The following PRKCSH variants were observed in gnomAD, a reference collection of about 807,000 sequenced individuals.
PRKCSH encodes the protein PRKCSH beta subunit of glucosidase II, also known as glucosidase 2 subunit beta.
In PRKCSH, 42 loss-of-function variants were observed where a neutral mutation model predicts 79.7. The observed-to-expected ratio is 0.53, with a 90% CI of 0.41 to 0.68. The LOEUF is 0.68. Among genes scored for constraint, PRKCSH ranks in the 30% least tolerant of loss-of-function variants. The pLI is 0.00. For synonymous variants in PRKCSH, 325 were observed against 288.2 expected (o/e 1.13, Z -1.29); for missense variants, 686 against 709.0 (o/e 0.97, Z 0.37).
At position 11,436,382 on chromosome 19, in the gene PRKCSH, C is replaced by G. The variant is rs189520103; in HGVS notation, c.80-7C>G. The G allele has an allele frequency of 2.6e-4, 421 of 1,613,646 alleles. 2 individuals carry two copies. The African/African-American group carries it at 5.1e-3, about 20-fold the overall frequency. ...CTGCCCTGGGCTGAGCTTCCTGTAC[C>G]CCGCAGATCATCACTTCTACGATGA... On this transcript the variant is annotated splice_region_variant and splice_polypyrimidine_tract_variant and intron_variant, in intron 2 of 17. Transcript: ENST00000677123.
Position 11,449,423 on chromosome 19 carries a change from G to A in PRKCSH, c.*11G>A, listed in dbSNP as rs371982440. The stretch of plus-strand genomic sequence containing the variant: ...CATGACGAGCTCTAGCTGGATGGGC[G>A]CAGAGGTGGGCGGGGAGGTGGAGTC... On this transcript the variant is annotated 3_prime_UTR_variant, in exon 17 of 18. Transcript: ENST00000677123. This position sits in a 1 kb window ranked among gnomAD's most constrained non-coding sequence, Gnocchi z 6.4. The A allele has an allele frequency of 1.1e-5, 18 of 1,612,890 alleles. No individual in the cohort carries two copies. Among genetic ancestry groups the A allele is most frequent in the African/African-American group, 9.3e-5 (7 of 75,036 alleles).
At position 11,445,478 on chromosome 19, in the gene PRKCSH, G is replaced by A; in HGVS notation, c.683+5G>A. ...GGATGATGACATGGACGGGACGTGA[G>A]TGTCCCCTAGTTGGAGCTGCCCACC... On this transcript the variant is annotated splice_donor_5th_base_variant and intron_variant, in intron 8 of 17. Coordinates refer to ENST00000677123, the MANE Select transcript of PRKCSH (RefSeq NM_001289104.2). The A allele has an allele frequency of 6.2e-7, 1 of 1,613,516 alleles. No homozygotes were observed. The highest frequency in any genetic ancestry group is 8.5e-7 in the Non-Finnish European group (1 of 1,179,572).
intron 5 of PRKCSH, among the ~76,000 whole-genome samples, chr19:11,440,084 A>G (rs2144817081): frequency 6.6e-6 from 1 of 152,156 alleles, no homozygotes; most frequent in Non-Finnish European, 1.5e-5. Context: ...AGTTGTTGGC[A>G]GATGGTGTAA....
Position 11,448,797 on chromosome 19 carries a change from G to T in PRKCSH, c.1287-117G>T. On this transcript the variant is annotated intron_variant, in intron 14 of 17. Transcript: ENST00000677123. The surrounding 1 kb of genome is among the most constrained non-coding windows in gnomAD (Gnocchi z 4.4). ...GAAGCCAGGGGCCAGGTTTAGGGTT[G>T]GTCATTGGAGTTGGAGGTACCCTGT... 7.2e-7 allele frequency: 1 copy of T among 1,398,280 alleles called. No individual in the cohort carries two copies. The highest frequency in any genetic ancestry group is 1.0e-6 in the Non-Finnish European group (1 of 987,270). The allele number at this position is 1,398,280 out of a possible 1,614,324, so 86.6% of individuals were successfully genotyped here.
chr19:11,449,045 C>T lies in PRKCSH; in HGVS notation c.1362-31C>T. 1.2e-6 allele frequency: 2 copies of T among 1,613,058 alleles called. No homozygotes were observed. Among genetic ancestry groups the T allele is most frequent in the Non-Finnish European group, 1.7e-6 (2 of 1,179,872 alleles). The stretch of plus-strand genomic sequence containing the variant: ...CCTCCTCCTGGTGCCCCGACACCGG[C>T]CCAGCCCTCAGCACCCTGTGTCTCT... On this transcript the variant is annotated intron_variant, in intron 15 of 17. Transcript: ENST00000677123. This position sits in a 1 kb window ranked among gnomAD's most constrained non-coding sequence, Gnocchi z 6.4.
rs1194677573 is a variant in PRKCSH, at chr19:11,447,109, C to T, written c.798C>T (p.Thr266=). 6.2e-7 allele frequency: 1 copy of T among 1,613,912 alleles called. No individual in the cohort carries two copies. The highest frequency in any genetic ancestry group is 1.3e-5 in the African/African-American group (1 of 74,918). The change falls in exon 10 of 18, where the codon ACC becomes ACT. Residue 266 remains threonine (T), a synonymous_variant. Coordinates refer to ENST00000677123, the MANE Select transcript of PRKCSH (RefSeq NM_001289104.2). This position sits in a 1 kb window ranked among gnomAD's most constrained non-coding sequence, Gnocchi z 5.6. ...LLSGDTQTDA[T]SFYDRVWAAI... ...GTGGGGACACACAGACAGACGCCACCTCTTTCTACGACCGCGTCTGGGCCG... is the reference window on the plus strand; with the variant it reads ...GTGGGGACACACAGACAGACGCCACTTCTTTCTACGACCGCGTCTGGGCCG...
chr19:11,448,272 G>T lies in PRKCSH; in HGVS notation c.1177G>T (p.Asp393Tyr). Residue 393 changes from aspartate (D) to tyrosine (Y), a missense_variant, in exon 13 of 18, where the codon GAC (aspartate) becomes TAC (tyrosine). This residue lies in a region of PRKCSH where 549 missense variants were observed against 520.2 expected (regional missense o/e 1.06). Transcript: ENST00000677123. This position sits in a 1 kb window ranked among gnomAD's most constrained non-coding sequence, Gnocchi z 4.4. ...KFEEAERSLK[D>Y]MEESIRNLEQ... is the part of the protein sequence containing the mutation. ...CGAGGAGGCCGAGCGGTCGCTGAAGGACATGGAGGAGTCCATCAGGTAGCG... is the reference window on the plus strand; with the variant it reads ...CGAGGAGGCCGAGCGGTCGCTGAAGTACATGGAGGAGTCCATCAGGTAGCG... 1 of 1,572,830 alleles carries T rather than the reference G, an allele frequency of 6.4e-7. No individual in the cohort carries two copies. Among genetic ancestry groups the T allele is most frequent in the Non-Finnish European group, 8.6e-7 (1 of 1,158,726 alleles).
rs1470754113 is a variant in PRKCSH, at chr19:11,449,636, G to A, written c.*16+208G>A. 2.6e-5 allele frequency: 16 copies of A among 625,830 alleles called. No individual in the cohort carries two copies. The highest frequency in any genetic ancestry group is 8.7e-4 in the Middle Eastern group (2 of 2,290). 38.8% of individuals were successfully genotyped at this position (625,830 alleles called of 1,614,324 possible). A position where few individuals can be genotyped will look rare whatever the true frequency, so the allele number is the denominator to read the frequency against. ...CAGCTGACTGCAACCTCTACCTCCC[G>A]GGTTCAAACAATTGTCTTGTCTCAG... On this transcript the variant is annotated intron_variant, in intron 17 of 17. Transcript: ENST00000677123. This position sits in a 1 kb window ranked among gnomAD's most constrained non-coding sequence, Gnocchi z 6.4.
intron 7 of PRKCSH, among the ~76,000 whole-genome samples, chr19:11,444,996 C>G (rs1970228086): frequency 6.6e-6 from 1 of 152,204 alleles, no homozygotes; most frequent in Non-Finnish European, 1.5e-5. Flanking sequence ...CTCCGTGCTT[C>G]TTCCTCAGTC....
chr19:11,445,564 C>T, intron 8 of PRKCSH, 91 bp downstream of exon 8: 4 of 1,295,264 alleles, frequency 3.1e-6, no homozygotes, highest in Non-Finnish European at 4.4e-6. Flanking sequence ...GCCAGATCCT[C>T]CTTGGGTTCC....
In PRKCSH at chr19:11,449,130, T is replaced by G. The variant is rs1555728990; in HGVS notation, c.1416T>G (p.Tyr472Ter). 1 of 1,613,842 alleles carries G rather than the reference T, an allele frequency of 6.2e-7. No individual in the cohort carries two copies. Among genetic ancestry groups the G allele is most frequent in the Non-Finnish European group, 8.5e-7 (1 of 1,180,016 alleles). ...ACGACAAGTTCAGTGCCATGAAGTATGAGCAAGGCACGGGCTGCTGGCAGG... is the reference window on the plus strand; with the variant it reads ...ACGACAAGTTCAGTGCCATGAAGTAGGAGCAAGGCACGGGCTGCTGGCAGG... ...PDHDKFSAMK[Y>*]EQGTGCWQGP... Residue 472 changes from tyrosine (Y) to a stop codon, truncating the protein, a stop_gained, in exon 16 of 18, where the codon TAT becomes TAG. Coordinates refer to ENST00000677123, the MANE Select transcript of PRKCSH (RefSeq NM_001289104.2). LOFTEE classifies it high-confidence loss of function. The surrounding 1 kb of genome is among the most constrained non-coding windows in gnomAD (Gnocchi z 6.4).
intron 8 of PRKCSH, chr19:11,445,849 G>T (rs1970271533): frequency 2.2e-6 from 1 of 447,688 alleles, no homozygotes. Flanking sequence ...GTGGACTTTT[G>T]GGGGCTGAGA....
rs954382419 is a variant in PRKCSH, at chr19:11,448,032, C to T, written c.1127-190C>T. 7.8e-6 allele frequency: 6 copies of T among 768,162 alleles called. No individual in the cohort carries two copies. The highest frequency in any genetic ancestry group is 1.7e-5 in the African/African-American group (1 of 57,582). 47.6% of individuals were successfully genotyped at this position (768,162 alleles called of 1,614,324 possible). On this transcript the variant is annotated intron_variant, in intron 12 of 17. Coordinates refer to ENST00000677123, the MANE Select transcript of PRKCSH (RefSeq NM_001289104.2). The surrounding 1 kb of genome is among the most constrained non-coding windows in gnomAD (Gnocchi z 4.4). ...TGTGTCACTCCTGGCCCCACTCGCT[C>T]AGGAGCTGGGAGCCTGGGCAGCAAG...
rs946734903 is a variant in PRKCSH, at chr19:11,448,369, A to G, written c.1196+78A>G. 4.6e-6 allele frequency: 7 copies of G among 1,525,332 alleles called. No homozygotes were observed. The highest frequency in any genetic ancestry group is 6.2e-6 in the Non-Finnish European group (7 of 1,121,672). 94.5% of individuals were successfully genotyped at this position (1,525,332 alleles called of 1,614,324 possible). On this transcript the variant is annotated intron_variant, in intron 13 of 17. Transcript: ENST00000677123. The surrounding 1 kb of genome is among the most constrained non-coding windows in gnomAD (Gnocchi z 4.4). ...CTCCCAGGGGAGCTGGTGATGGGGA[A>G]TCACTGAGGCAACCACAGGCTGGGC...
At chr19:11,438,939 A>G (rs1382634504) in intron 5 of PRKCSH, among the ~76,000 whole-genome samples, 1 of 150,970 alleles carries the variant, frequency 6.6e-6, no homozygotes, top group African/African-American at 2.4e-5. Context: ...ACAGGGTCTC[A>G]CTCTGTCGCC....
intron 8 of PRKCSH, chr19:11,445,782 A>G (rs914774256): frequency 2.4e-5 from 12 of 494,140 alleles, no homozygotes; most frequent in Non-Finnish European, 4.5e-5. Context: ...GGGGAAAGCC[A>G]GACCTGGGTT....
In PRKCSH at chr19:11,448,191, G is replaced by A. The variant is rs1970412755; in HGVS notation, c.1127-31G>A. The A allele has an allele frequency of 6.5e-7, 1 of 1,548,286 alleles. No individual in the cohort carries two copies. The highest frequency in any genetic ancestry group is 8.7e-7 in the Non-Finnish European group (1 of 1,143,720). The stretch of plus-strand genomic sequence containing the variant: ...TCCCCATCCTCCTGGATGGGGTTGA[G>A]GACATCTCTGACCTCCAACCCCTCT... On this transcript the variant is annotated intron_variant, in intron 12 of 17. Transcript: ENST00000677123. The surrounding 1 kb of genome is among the most constrained non-coding windows in gnomAD (Gnocchi z 4.4).
chr19:11,439,605 CTTTTTTTTTTT>C (rs758607686), intron 5 of PRKCSH, among the ~76,000 whole-genome samples: 5 of 68,850 alleles, frequency 7.3e-5, no homozygotes, highest in Admixed American at 1.8e-4. Flanking sequence ...TTTTTCTTTT[CTTTTTTTTTTT>C]TTTTTTTTTT....
chr19:11,447,598 G>T lies in PRKCSH; in HGVS notation c.1009G>T (p.Val337Leu). 6.3e-7 allele frequency: 1 copy of T among 1,591,750 alleles called. No homozygotes were observed. Among genetic ancestry groups the T allele is most frequent in the Non-Finnish European group, 8.6e-7 (1 of 1,169,586 alleles). ...EEEEEEEDSE[V>L]QGEQPKEAPP... Reference sequence around the variant, plus strand: ...AGAGGAGGAGGAGGAGGATTCCGAGGTGCAGGGGGAGCAGCCCAAGGTCCG... The same window carrying T: ...AGAGGAGGAGGAGGAGGATTCCGAGTTGCAGGGGGAGCAGCCCAAGGTCCG... The change falls in exon 11 of 18, where the codon GTG becomes TTG. Residue 337 changes from valine to leucine, a missense_variant. Physicochemically the swap from Val to Leu is conservative, Grantham distance 32. This residue lies in a region of PRKCSH where 549 missense variants were observed against 520.2 expected (regional missense o/e 1.06). Transcript: ENST00000677123. The surrounding 1 kb of genome is among the most constrained non-coding windows in gnomAD (Gnocchi z 5.6).
Sources: allele counts gnomAD v4.1 joint callset (sites outside exome capture counted in the v4.1 genomes callset), GRCh38; gene constraint gnomAD v4.1.1; regional missense constraint gnomAD v4.1.1; non-coding constraint Gnocchi (gnomAD v3.1); transcripts MANE v1.5; gene names NCBI Gene and HGNC (gene_info 2026-07-23, HGNC 2026-07-21).